Variants in BCAT2 observed in about 807,000 individuals in gnomAD.
The protein encoded by BCAT2 is branched-chain-amino-acid aminotransferase, mitochondrial.
Under a neutral mutation model 52.9 loss-of-function variants are expected in BCAT2, and 44 were observed. The ratio of observed to expected loss-of-function variants is 0.83; its 90% CI spans 0.65 to 1.07. The LOEUF is 1.07. Among genes scored for constraint, BCAT2 ranks in the 50% least tolerant of loss-of-function variants. The pLI, the probability that BCAT2 is intolerant of heterozygous loss-of-function variation, is 0.00. For missense variants in BCAT2, 478 were observed against 521.8 expected (o/e 0.92, Z 0.82); for synonymous variants, 215 against 217.1 (o/e 0.99, Z 0.08).
rs182986506 is a variant in BCAT2, at chr19:48,804,653, T to A, written c.300+1864A>T. ...ATAGGGACAGCATTGTCCTACTCCC[T>A]CATCCTCCCCCTTCCGCCCCCTGGA... On this transcript the variant is annotated intron_variant, in intron 3 of 10. Coordinates refer to ENST00000316273, the MANE Select transcript of BCAT2 (RefSeq NM_001190.4). Among the ~76,000 whole-genome samples, 3 of 152,238 alleles carry A rather than the reference T, an allele frequency of 2.0e-5. No homozygotes were observed. In the East Asian group the frequency reaches 5.8e-4, roughly 29 times the overall value.
In BCAT2 at chr19:48,807,136, G is replaced by A. The variant is rs969035484; in HGVS notation, c.25-62C>T. ...GGCACAGCAGGGGCCCTGGCAGCTC[G>A]CTCGCCACCTCCTGCACTTGGAGGT... On this transcript the variant is annotated intron_variant, in intron 1 of 10. Transcript: ENST00000316273. This position sits in a 1 kb window ranked among gnomAD's most constrained non-coding sequence, Gnocchi z 4.6. 1.5e-5 allele frequency: 21 copies of A among 1,400,912 alleles called. No homozygotes were observed. The African/African-American group carries it at 1.9e-4, about 12-fold the overall frequency. The allele number at this position is 1,400,912 out of a possible 1,614,324, so 86.8% of individuals were successfully genotyped here.
At position 48,811,027 on chromosome 19, in the gene BCAT2, T is replaced by G; in HGVS notation, c.-20A>C. On this transcript the variant is annotated 5_prime_UTR_variant, in exon 1 of 11. Transcript: ENST00000316273. ...GGCCATGATCCGTGCGGCGCGTAAC[T>G]GTGCCCGCCCGGGGCGCGGCTCCGA... The G allele has an allele frequency of 6.3e-7, 1 of 1,594,416 alleles. No individual in the cohort carries two copies. Among genetic ancestry groups the G allele is most frequent in the Non-Finnish European group, 8.5e-7 (1 of 1,172,256 alleles).
chr19:48,801,879 C>G (rs757599499), intron 3 of BCAT2, among the ~76,000 whole-genome samples: 6 of 151,692 alleles, frequency 4.0e-5, no homozygotes, highest in African/African-American at 1.5e-4. Context: ...TCAGGTGATG[C>G]GCCCACCTCG....
At chr19:48,797,535 C>T (rs1176158994) in intron 6 of BCAT2, 6 of 613,940 alleles carry the variant, frequency 9.8e-6, no homozygotes, top group Non-Finnish European at 1.4e-5. Flanking sequence ...CCTGTCTCTT[C>T]CCACTTTTCT....
chr19:48,810,710 A>T (rs1368012316), intron 1 of BCAT2: 1 of 716,930 alleles, frequency 1.4e-6, no homozygotes, highest in Non-Finnish European at 1.8e-6. Flanking sequence ...CGCCTCCCTC[A>T]TTACAGGGTC....
Position 48,807,305 on chromosome 19 carries a change from G to C in BCAT2, c.25-231C>G. 1 of 474,624 alleles carries C rather than the reference G, an allele frequency of 2.1e-6. No individual in the cohort carries two copies. The highest frequency in any genetic ancestry group is 2.5e-5 in the South Asian group (1 of 40,182). The allele number at this position is 474,624 out of a possible 1,614,324, so 29.4% of individuals were successfully genotyped here. On this transcript the variant is annotated intron_variant, in intron 1 of 10. Transcript: ENST00000316273. This position sits in a 1 kb window ranked among gnomAD's most constrained non-coding sequence, Gnocchi z 4.6. ...GCTCCCGCCCCCTCCTCCATGCTGC[G>C]GCAAAGTCAAACGCAAGCGCCTCCC...
At chr19:48,801,759 C>T (rs1297904714) in intron 3 of BCAT2, among the ~76,000 whole-genome samples, 1 of 152,036 alleles carries the variant, frequency 6.6e-6, no homozygotes, top group Non-Finnish European at 1.5e-5. Context: ...GCCTCAACCT[C>T]CCAAGTAGCT....
chr19:48,799,491 C>T lies in BCAT2; in HGVS notation c.695+184G>A, dbSNP rs1360379874. On this transcript the variant is annotated intron_variant, in intron 6 of 10. Transcript: ENST00000316273. This position sits in a 1 kb window ranked among gnomAD's most constrained non-coding sequence, Gnocchi z 5.5. ...TTTTGTCCATCTGAAAAATAATCCC[C>T]TCCTCCTTCCTTCCATGGTTTGTTT... 4.1e-5 allele frequency: 31 copies of T among 750,028 alleles called. No homozygotes were observed. Among genetic ancestry groups the T allele is most frequent in the South Asian group, 1.1e-4 (4 of 37,812 alleles). 46.5% of individuals were successfully genotyped at this position (750,028 alleles called of 1,614,324 possible).
rs944912295 is a variant in BCAT2 at position 48,807,667 on chromosome 19, G to T, written c.25-593C>A. The T allele has an allele frequency of 1.1e-6, 1 of 950,730 alleles. No individual in the cohort carries two copies. The highest frequency in any genetic ancestry group is 1.8e-5 in the African/African-American group (1 of 56,242). 58.9% of individuals were successfully genotyped at this position (950,730 alleles called of 1,614,324 possible). ...CCCACCCCTCCTCCCTCAGACCCAG[G>T]AGTCCAGTTCCCCAGCCCCTCCTCC... On this transcript the variant is annotated intron_variant, in intron 1 of 10. Coordinates refer to ENST00000316273, the MANE Select transcript of BCAT2 (RefSeq NM_001190.4). This position sits in a 1 kb window ranked among gnomAD's most constrained non-coding sequence, Gnocchi z 4.6.
intron 2 of BCAT2, 110 bp from the exon 3 acceptor site, chr19:48,806,827 C>T: frequency 6.9e-7 from 1 of 1,443,562 alleles, no homozygotes; most frequent in Non-Finnish European, 9.6e-7. Context: ...GGACCTGTCA[C>T]CCTGGAGGAT....
chr19:48,796,038 C>G (rs2034502598), intron 10 of BCAT2: 2 of 390,076 alleles, frequency 5.1e-6, no homozygotes, highest in Admixed American at 4.2e-5. Flanking sequence ...ATGGAAAGGG[C>G]CTTTCTCCCA....
chr19:48,796,173 C>A, intron 10 of BCAT2: 1 of 543,298 alleles, frequency 1.8e-6, no homozygotes, highest in South Asian at 2.8e-5. Flanking sequence ...CGCAGAGGAT[C>A]ACAGGAAGGG....
rs761869447 is a variant in BCAT2 at position 48,799,441 on chromosome 19, C to T, written c.695+234G>A. On this transcript the variant is annotated intron_variant, in intron 6 of 10. Transcript: ENST00000316273. The surrounding 1 kb of genome is among the most constrained non-coding windows in gnomAD (Gnocchi z 5.5). ...TCCTGGTTTCCCCACTGACCTCCAC[C>T]CAATGCCTTCCCATCTGTGAGCCTT... 5.5e-6 allele frequency: 3 copies of T among 547,000 alleles called. No individual in the cohort carries two copies. Among genetic ancestry groups the T allele is most frequent in the Non-Finnish European group, 9.0e-6 (3 of 331,500 alleles). 33.9% of individuals were successfully genotyped at this position (547,000 alleles called of 1,614,324 possible).
intron 6 of BCAT2, chr19:48,798,813 T>C (rs1420165569): frequency 1.4e-5 from 2 of 144,362 alleles, no homozygotes; most frequent in East Asian, 4.0e-4. Flanking sequence ...TTTTTTTGTA[T>C]TTTTAGTAGA....
At chr19:48,797,142 G>GT in intron 7 of BCAT2, 49 bp downstream of exon 7, 1 of 1,609,876 alleles carries the variant, frequency 6.2e-7, no homozygotes, top group Non-Finnish European at 8.5e-7. Flanking sequence ...AGGAATGATG[G>GT]TGCCACCCAC....
chr19:48,797,078 CT>C (rs1445902269), intron 7 of BCAT2, 56 bp from the exon 8 acceptor site: 7 of 1,611,128 alleles, frequency 4.3e-6, no homozygotes, highest in Non-Finnish European at 5.1e-6. Flanking sequence ...GCACCGCCGT[CT>C]TAAGAGCCAC....
intron 3 of BCAT2, among the ~76,000 whole-genome samples, chr19:48,804,592 G>A (rs2034724195): frequency 6.6e-6 from 1 of 152,052 alleles, no homozygotes; most frequent in Admixed American, 6.6e-5. Context: ...CACGTGGTCG[G>A]CCTGCAATCC....
At chr19:48,810,711 T>G in intron 1 of BCAT2, 4 of 537,946 alleles carry the variant, frequency 7.4e-6, no homozygotes, top group Non-Finnish European at 1.1e-5. Flanking sequence ...GCCTCCCTCA[T>G]TACAGGGTCC....
At chr19:48,798,621 G>A (rs1276237964) in intron 6 of BCAT2, among the ~76,000 whole-genome samples, 1 of 147,732 alleles carries the variant, frequency 6.8e-6, no homozygotes, top group Admixed American at 6.8e-5. Flanking sequence ...CCTCCTCTGC[G>A]AAACCTTTCT....
Sources: allele counts gnomAD v4.1 joint callset (sites outside exome capture counted in the v4.1 genomes callset), GRCh38; gene constraint gnomAD v4.1.1; non-coding constraint Gnocchi (gnomAD v3.1); transcripts MANE v1.5; gene names NCBI Gene and HGNC (gene_info 2026-07-23, HGNC 2026-07-21).